Variants in BICD1 observed in about 807,000 individuals in gnomAD.
The protein encoded by BICD1 is BICD cargo adaptor 1, also known as protein bicaudal D homolog 1.
BICD1 carries 35 observed loss-of-function variants against 92.5 expected under a neutral mutation model. The observed-to-expected ratio is 0.38, with a 90% CI of 0.29 to 0.50. The LOEUF (loss-of-function observed/expected upper bound fraction) is 0.50. Ranked by LOEUF, BICD1 falls within the 20% of genes least tolerant of loss-of-function variation. BICD1 has a pLI of 0.93. For synonymous variants in BICD1, 429 were observed against 465.1 expected, an observed-to-expected ratio of 0.92 and a Z score of 1.00; for missense variants, 950 against 1,189.8, an observed-to-expected ratio of 0.80 and a Z score of 2.97.
chr12:32,172,464 A>G (rs986930616), intron 1 of BICD1, among the ~76,000 whole-genome samples: 3 of 152,200 alleles, frequency 2.0e-5, no homozygotes, highest in African/African-American at 7.2e-5. Context: ...AAAGGTAGTA[A>G]GAGATCCAGA....
rs75979759 is a variant in BICD1, at chr12:32,233,578, C to T, written c.426+17119C>T. Among the ~76,000 whole-genome samples the T allele has an allele frequency of 4.9e-3, 663 of 135,788 alleles. 4 individuals carry two copies. The highest frequency in any genetic ancestry group is 0.016 in the African/African-American group (626 of 37,960). The allele number at this position is 135,788 out of a possible 152,430, so 89.1% of individuals were successfully genotyped here. On this transcript the variant is annotated intron_variant, in intron 2 of 9. Transcript: ENST00000652176. ...TCCCTCCCTCCCTCCCCTTTCCTAT[C>T]TTCTGAGTAGGGTCAAACACCAGTT...
intron 3 of BICD1, among the ~76,000 whole-genome samples, chr12:32,295,656 C>CT (rs142531197): frequency 0.29 from 40,623 of 140,566 alleles, 6,430 homozygotes; most frequent in African/African-American, 0.42. Context: ...AATTTGATTT[C>CT]TTTTTTTTTT....
intron 8 of BICD1, chr12:32,353,238 T>C (rs1938962187): frequency 6.6e-6 from 1 of 152,206 alleles, no homozygotes; most frequent in African/African-American, 2.4e-5. Flanking sequence ...CTTATTCTTT[T>C]CTTTGAAAAT....
chr12:32,326,667 A>C (rs1342218928), intron 4 of BICD1, among the ~76,000 whole-genome samples: 1 of 152,168 alleles, frequency 6.6e-6, no homozygotes, highest in Non-Finnish European at 1.5e-5. Context: ...GGGGGCTGAC[A>C]TGCGCCTAGG....
chr12:32,246,335 TA>T (rs1226671010), intron 2 of BICD1, among the ~76,000 whole-genome samples: 1 of 138,652 alleles, frequency 7.2e-6, no homozygotes, highest in South Asian at 2.3e-4. Flanking sequence ...AAAGGTTGAT[TA>T]AAAAAAGAAA....
At chr12:32,137,803 C>CTT (rs200095182) in intron 1 of BICD1, among the ~76,000 whole-genome samples, 1 of 147,274 alleles carries the variant, frequency 6.8e-6, no homozygotes, top group Non-Finnish European at 1.5e-5. Flanking sequence ...AATATAAAAA[C>CTT]TTTTTTTTTT....
chr12:32,283,666 T>C (rs112359357), intron 2 of BICD1, among the ~76,000 whole-genome samples: 1,864 of 152,170 alleles, frequency 0.012, 30 homozygotes, highest in African/African-American at 0.04. Flanking sequence ...GCGAGTGGTT[T>C]GATTGGAAGA....
At chr12:32,242,473 G>A (rs1946264594) in intron 2 of BICD1, among the ~76,000 whole-genome samples, 1 of 152,004 alleles carries the variant, frequency 6.6e-6, no homozygotes, top group African/African-American at 2.4e-5. Context: ...GTTGCAGTGA[G>A]CTGAGATCGT....
Position 32,277,326 on chromosome 12 carries a change from G to A in BICD1, c.427-16668G>A, listed in dbSNP as rs937091462. Among the ~76,000 whole-genome samples the A allele has an allele frequency of 2.0e-5, 3 of 152,158 alleles. No homozygotes were observed. In the South Asian group the frequency reaches 6.2e-4, roughly 32 times the overall value. On this transcript the variant is annotated intron_variant, in intron 2 of 9. Transcript: ENST00000652176. ...GGAAAATTGCTTGAACCGGGGAGGT[G>A]GGGGTTGCAGTGAGCTGAGATCATG... is the stretch of plus-strand genomic sequence containing the variant.
intron 1 of BICD1, among the ~76,000 whole-genome samples, chr12:32,149,872 C>CA (rs1943236937): frequency 6.6e-6 from 1 of 152,152 alleles, no homozygotes; most frequent in South Asian, 2.1e-4. Flanking sequence ...GAAGGCAGAG[C>CA]ACCTACTTGT....
intron 1 of BICD1, among the ~76,000 whole-genome samples, chr12:32,141,588 C>T (rs1256146224): frequency 6.6e-6 from 1 of 152,132 alleles, no homozygotes; most frequent in African/African-American, 2.4e-5. Context: ...ATTCTCCTGC[C>T]TCAGCCTCCC....
At chr12:32,236,421 T>C (rs1176631895) in intron 2 of BICD1, among the ~76,000 whole-genome samples, 4 of 151,994 alleles carry the variant, frequency 2.6e-5, no homozygotes, top group African/African-American at 7.2e-5. Context: ...AAAGACTTAA[T>C]TGATACTTAA....
chr12:32,319,494 C>G (rs1400958412), intron 4 of BICD1, among the ~76,000 whole-genome samples: 1 of 152,010 alleles, frequency 6.6e-6, no homozygotes, highest in Non-Finnish European at 1.5e-5. Flanking sequence ...GATTTTGTGT[C>G]TATATTCATA....
At position 32,107,128 on chromosome 12, in the gene BICD1, C is replaced by G. The variant is rs1386064984; in HGVS notation, c.-204C>G. On this transcript the variant is annotated 5_prime_UTR_variant, in exon 1 of 10. Coordinates refer to ENST00000652176, the MANE Select transcript of BICD1 (RefSeq NM_001714.4). ...GCCCCTGACCCTCTGCCCTGTTCTC[C>G]ATGTTGCATTTCTCGTCAGTTTCTC... 1.7e-6 allele frequency: 1 copy of G among 600,894 alleles called. No homozygotes were observed. Among genetic ancestry groups the G allele is most frequent in the African/African-American group, 1.9e-5 (1 of 53,808 alleles). 37.2% of individuals were successfully genotyped at this position (600,894 alleles called of 1,614,324 possible).
chr12:32,129,335 C>A (rs1423638025), intron 1 of BICD1, among the ~76,000 whole-genome samples: 2 of 151,156 alleles, frequency 1.3e-5, no homozygotes, highest in Non-Finnish European at 3.0e-5. Flanking sequence ...ACCAGCCTGG[C>A]CAACATAGTG....
chr12:32,175,816 A>G (rs1944074126), intron 1 of BICD1, among the ~76,000 whole-genome samples: 1 of 152,208 alleles, frequency 6.6e-6, no homozygotes, highest in South Asian at 2.1e-4. Context: ...GTAACGATAG[A>G]TGTTCAGGTT....
At chr12:32,163,555 G>C (rs1041845097) in intron 1 of BICD1, among the ~76,000 whole-genome samples, 1 of 152,106 alleles carries the variant, frequency 6.6e-6, no homozygotes, top group Non-Finnish European at 1.5e-5. Flanking sequence ...TATCCTGCTT[G>C]TTCACTCAAG....
intron 8 of BICD1, among the ~76,000 whole-genome samples, chr12:32,346,528 A>C (rs2136294867): frequency 1.1e-5 from 1 of 92,270 alleles, no homozygotes; most frequent in Admixed American, 1.4e-4. Context: ...AAAAATATAT[A>C]TATACGTGTA....
At chr12:32,280,167 C>T (rs965254958) in intron 2 of BICD1, among the ~76,000 whole-genome samples, 3 of 152,096 alleles carry the variant, frequency 2.0e-5, no homozygotes, top group Non-Finnish European at 4.4e-5. Context: ...TTTTACTACT[C>T]TTGTATAGAG....
Sources: allele counts gnomAD v4.1 joint callset (sites outside exome capture counted in the v4.1 genomes callset), GRCh38; gene constraint gnomAD v4.1.1; transcripts MANE v1.5; gene names NCBI Gene and HGNC (gene_info 2026-07-23, HGNC 2026-07-21).